The following TSPEAR variants were observed in gnomAD, a reference collection of about 807,000 sequenced individuals.
TSPEAR encodes the protein thrombospondin-type laminin G domain and EAR repeat-containing protein.
TSPEAR carries 69 observed loss-of-function variants against 71.6 expected under a neutral mutation model. The ratio of observed to expected loss-of-function variants is 0.96; its 90% CI spans 0.79 to 1.18. TSPEAR has a LOEUF of 1.18. Ranked by LOEUF, TSPEAR falls within the 50% of genes most tolerant of loss-of-function variation. The pLI, the probability that TSPEAR is intolerant of heterozygous loss-of-function variation, is 0.00. For synonymous variants in TSPEAR, 402 were observed against 387.2 expected (o/e 1.04, Z -0.45); for missense variants, 971 against 894.9 (o/e 1.09, Z -1.09).
At chr21:44,606,955 T>C (rs898951655) in intron 1 of TSPEAR, among the ~76,000 whole-genome samples, 21 of 152,216 alleles carry the variant, frequency 1.4e-4, no homozygotes, top group African/African-American at 4.3e-4. Context: ...CCTACTGCAT[T>C]GCATGGTGAC....
At chr21:44,529,685 G>T (rs782665978) in intron 5 of TSPEAR, 113 bp downstream of exon 5, 7 of 1,226,024 alleles carry the variant, frequency 5.7e-6, no homozygotes, top group Non-Finnish European at 8.1e-6. Context: ...GCAGTGATGA[G>T]GGGGGCAGGC....
rs782549632 is a variant in TSPEAR at position 44,592,103 on chromosome 21, C to G, written c.83-24098G>C. 1.4e-6 allele frequency: 2 copies of G among 1,442,844 alleles called. 1 individual carries two copies. The highest frequency in any genetic ancestry group is 3.7e-5 in the African/African-American group (2 of 53,474). 89.4% of individuals were successfully genotyped at this position (1,442,844 alleles called of 1,614,324 possible). A position where few individuals can be genotyped will look rare whatever the true frequency, so the allele number is the denominator to read the frequency against. ...CAGCATGAAGAATCCCCACAGCAGA[C>G]GGACACACAGCACACAGGCTTGCAG... On this transcript the variant is annotated intron_variant, in intron 1 of 11. Coordinates refer to ENST00000323084, the MANE Select transcript of TSPEAR (RefSeq NM_144991.3).
chr21:44,633,560 T>C (rs1303373630), intron 1 of TSPEAR, among the ~76,000 whole-genome samples: 2 of 152,244 alleles, frequency 1.3e-5, no homozygotes, highest in Non-Finnish European at 2.9e-5. Flanking sequence ...CTGTTATTGA[T>C]TTCTAATTCC....
At chr21:44,528,343 G>T in intron 6 of TSPEAR, 109 bp downstream of exon 6, 1 of 1,493,542 alleles carries the variant, frequency 6.7e-7, no homozygotes, top group Non-Finnish European at 9.2e-7. Context: ...GGCCAAGCCT[G>T]AGGTCATTCA....
chr21:44,676,038 G>A (rs1021904838), intron 1 of TSPEAR: 11 of 887,096 alleles, frequency 1.2e-5, no homozygotes, highest in Admixed American at 8.5e-5. Context: ...ACTAGCTCCA[G>A]ATCACCATGC....
chr21:44,698,128 C>A, intron 1 of TSPEAR: 1 of 699,416 alleles, frequency 1.4e-6, no homozygotes. Context: ...CCAGATGACC[C>A]TGCCTCCACC....
At chr21:44,539,484 T>C (rs782337727) in intron 2 of TSPEAR, 3 of 1,612,808 alleles carry the variant, frequency 1.9e-6, no homozygotes, top group South Asian at 1.1e-5. Context: ...CAGCAGGAGG[T>C]GGTGCAGCAA....
chr21:44,567,435 T>C (rs1435368782), intron 2 of TSPEAR, among the ~76,000 whole-genome samples: 1 of 152,182 alleles, frequency 6.6e-6, no homozygotes, highest in Non-Finnish European at 1.5e-5. Flanking sequence ...AGATTTGGGA[T>C]TGATGGCACT....
chr21:44,706,472 C>T (rs1347078109), intron 1 of TSPEAR, among the ~76,000 whole-genome samples: 2 of 73,536 alleles, frequency 2.7e-5, no homozygotes, highest in African/African-American at 1.1e-4. Context: ...CGTGCACACA[C>T]CCACGCGTAC....
At chr21:44,608,298 C>T (rs1981438620) in intron 1 of TSPEAR, among the ~76,000 whole-genome samples, 1 of 152,224 alleles carries the variant, frequency 6.6e-6, no homozygotes, top group South Asian at 2.1e-4. Context: ...CAGTGGTACA[C>T]TAAAGCCAGC....
At chr21:44,511,603 C>T (rs2052380689) in intron 9 of TSPEAR, among the ~76,000 whole-genome samples, 1 of 152,224 alleles carries the variant, frequency 6.6e-6, no homozygotes, top group African/African-American at 2.4e-5. Context: ...TGCATGACAT[C>T]TACACACACA....
rs2150437 is a variant in TSPEAR at position 44,687,331 on chromosome 21, A to T, written c.82+24102T>A. 1.3e-5 allele frequency among the ~76,000 whole-genome samples: 2 copies of T among 152,024 alleles called. No individual in the cohort carries two copies. Among genetic ancestry groups the T allele is most frequent in the African/African-American group, 2.4e-5 (1 of 41,462 alleles). ...GCTTCTGGGTGCTGAGGGCTCTGAA[A>T]GGCAGGCACACTTGTCCCACTGTAT... On this transcript the variant is annotated intron_variant, in intron 1 of 11. Transcript: ENST00000323084. This position sits in a 1 kb window ranked among gnomAD's most constrained non-coding sequence, Gnocchi z 4.4.
intron 1 of TSPEAR, among the ~76,000 whole-genome samples, chr21:44,688,577 G>A (rs782496046): frequency 4.6e-5 from 7 of 152,106 alleles, no homozygotes; most frequent in South Asian, 2.1e-4. Context: ...AAAATCAGCC[G>A]GGTATGGTGG....
At chr21:44,647,127 A>G (rs781783829) in intron 1 of TSPEAR, 23 of 1,613,744 alleles carry the variant, frequency 1.4e-5, no homozygotes, top group South Asian at 5.5e-5. Context: ...GCTGCCAGCC[A>G]GCTTGCTGCA....
At chr21:44,533,168 G>A (rs1390995631) in intron 3 of TSPEAR, among the ~76,000 whole-genome samples, 2 of 152,328 alleles carry the variant, frequency 1.3e-5, no homozygotes, top group African/African-American at 4.8e-5. Flanking sequence ...CATTAAAATC[G>A]GGGTTTTGAC....
At chr21:44,589,674 C>T (rs375452065) in intron 1 of TSPEAR, among the ~76,000 whole-genome samples, 11 of 152,312 alleles carry the variant, frequency 7.2e-5, no homozygotes, top group African/African-American at 2.6e-4. Context: ...GAGATGTCCT[C>T]CCTGGGGATG....
chr21:44,589,771 G>A (rs868994788), intron 1 of TSPEAR, among the ~76,000 whole-genome samples: 18 of 152,288 alleles, frequency 1.2e-4, no homozygotes, highest in Middle Eastern at 3.4e-3. Context: ...AGCCAGCCCC[G>A]GCCCCTCCAC....
intron 2 of TSPEAR, among the ~76,000 whole-genome samples, chr21:44,562,092 A>C (rs1216979799): frequency 2.0e-5 from 3 of 152,210 alleles, no homozygotes; most frequent in Non-Finnish European, 1.5e-5. Context: ...CCATCATCTC[A>C]GCTCAAAAAT....
chr21:44,508,683 G>A (rs2052266395), intron 10 of TSPEAR: 1 of 1,214,080 alleles, frequency 8.2e-7, no homozygotes, highest in South Asian at 1.4e-5. Context: ...CGTACATACA[G>A]ACCCACCCTC....
Sources: gnomAD v4.1 joint callset for allele counts (sites outside exome capture counted in the v4.1 genomes callset) on GRCh38, gnomAD v4.1.1 for gene constraint, Gnocchi (gnomAD v3.1) non-coding constraint, MANE v1.5 for transcripts, NCBI Gene and HGNC (gene_info 2026-07-23, HGNC 2026-07-21) for gene names.